PPIP5K2: variants seen among roughly 807,000 people sequenced by gnomAD.
PPIP5K2 encodes inositol hexakisphosphate and diphosphoinositol-pentakisphosphate kinase 2.
In PPIP5K2, 105 loss-of-function variants were observed where a neutral mutation model predicts 154.6. That is an observed-to-expected ratio of 0.68 (90% CI 0.58 to 0.80). The LOEUF (loss-of-function observed/expected upper bound fraction) is 0.80, where lower values mean the gene tolerates loss of function less well. Ranked by LOEUF, PPIP5K2 falls within the 30% of genes least tolerant of loss-of-function variation. PPIP5K2 has a pLI of 0.00. For missense variants in PPIP5K2, 992 were observed against 1,504.6 expected, an observed-to-expected ratio of 0.66 and a Z score of 5.64; for synonymous variants, 480 against 490.3, an observed-to-expected ratio of 0.98 and a Z score of 0.28.
chr5:103,152,962 A>T (rs1348242717), intron 10 of PPIP5K2, among the ~76,000 whole-genome samples: 1 of 151,886 alleles, frequency 6.6e-6, no homozygotes, highest in East Asian at 1.9e-4. Flanking sequence ...TAATTATAGA[A>T]TTGTTTAATC....
intron 1 of PPIP5K2, among the ~76,000 whole-genome samples, chr5:103,126,949 A>G (rs1438518357): frequency 3.9e-5 from 6 of 152,176 alleles, no homozygotes; most frequent in African/African-American, 7.2e-5. Flanking sequence ...AGTATTAACC[A>G]TCACAGAATA....
intron 3 of PPIP5K2, among the ~76,000 whole-genome samples, chr5:103,135,440 T>A (rs868948063): frequency 1.2e-4 from 19 of 152,310 alleles, no homozygotes; most frequent in Middle Eastern, 3.4e-3. Flanking sequence ...AATTTTTTTT[T>A]TCCCCCTGGA....
chr5:103,155,767 G>A, intron 13 of PPIP5K2, 142 bp from the exon 14 acceptor site: 2 of 673,936 alleles, frequency 3.0e-6, no homozygotes, highest in Non-Finnish European at 5.2e-6. Context: ...AATGTGGTTA[G>A]AATGATTATA....
In PPIP5K2 at chr5:103,175,327, C is replaced by A. The variant is rs139999663; in HGVS notation, c.2529+1355C>A. Among the ~76,000 whole-genome samples the A allele has an allele frequency of 3.2e-3, 481 of 151,978 alleles. 4 individuals carry two copies. Among genetic ancestry groups the A allele is most frequent in the African/African-American group, 0.011 (451 of 41,484 alleles). On this transcript the variant is annotated intron_variant, in intron 21 of 30. Transcript: ENST00000358359. The stretch of plus-strand genomic sequence containing the variant: ...TGTTCTTTCTTCTGGTTTTTTGTTT[C>A]TTCTTTGTCCCACTAAAGAATAGAA...
At chr5:103,122,509 G>A (rs1788942935) in intron 1 of PPIP5K2, among the ~76,000 whole-genome samples, 1 of 152,168 alleles carries the variant, frequency 6.6e-6, no homozygotes, top group Non-Finnish European at 1.5e-5. Context: ...CAACAAGAAG[G>A]TTGTGTGGAA....
intron 14 of PPIP5K2, 114 bp from the exon 15 acceptor site, chr5:103,158,074 C>A: frequency 6.3e-6 from 7 of 1,117,606 alleles, no homozygotes; most frequent in Admixed American, 2.6e-5. Flanking sequence ...AAGAAAATAT[C>A]TTACATATGG....
intron 30 of PPIP5K2, among the ~76,000 whole-genome samples, chr5:103,196,978 G>T (rs782732953): frequency 6.6e-6 from 1 of 152,076 alleles, no homozygotes; most frequent in African/African-American, 2.4e-5. Flanking sequence ...TAATATCTTG[G>T]AAGTCAGGGT....
At chr5:103,156,074 T>C (rs1795370286) in intron 14 of PPIP5K2, 80 bp downstream of exon 14, 1 of 962,604 alleles carries the variant, frequency 1.0e-6, no homozygotes, top group African/African-American at 1.6e-5. Flanking sequence ...TGGACCATCT[T>C]TTGCTTAGTA....
At chr5:103,138,522 G>T in intron 5 of PPIP5K2, 53 bp downstream of exon 5, 2 of 1,167,756 alleles carry the variant, frequency 1.7e-6, no homozygotes, top group South Asian at 1.3e-5. Flanking sequence ...CATACTTTTG[G>T]GCCACATTCT....
At chr5:103,166,812 C>G (rs1554218044) in intron 17 of PPIP5K2, among the ~76,000 whole-genome samples, 2 of 151,836 alleles carry the variant, frequency 1.3e-5, no homozygotes, top group African/African-American at 4.8e-5. Context: ...AATATATTTA[C>G]TATGCCTTAA....
intron 3 of PPIP5K2, among the ~76,000 whole-genome samples, chr5:103,134,313 C>T (rs573084099): frequency 6.6e-6 from 1 of 152,162 alleles, no homozygotes; most frequent in East Asian, 1.9e-4. Context: ...GCTGAGGGTA[C>T]ATCTGAAAAT....
intron 30 of PPIP5K2, among the ~76,000 whole-genome samples, chr5:103,197,422 A>G (rs1312877035): frequency 2.0e-5 from 3 of 151,674 alleles, no homozygotes; most frequent in Non-Finnish European, 4.4e-5. Context: ...ATGTGGTAAT[A>G]ACTTCTGTTA....
intron 8 of PPIP5K2, among the ~76,000 whole-genome samples, chr5:103,149,952 C>T (rs1794369942): frequency 6.6e-6 from 1 of 152,044 alleles, no homozygotes; most frequent in African/African-American, 2.4e-5. Context: ...ACCTCGGCTT[C>T]CCAAAGTGCT....
In PPIP5K2 at chr5:103,194,905, A is replaced by G; in HGVS notation, c.3499A>G (p.Thr1167Ala). ...VPRKTAEISSTALRSSPIMRK... is the reference protein window; with the variant it reads ...VPRKTAEISSAALRSSPIMRK... ...GTTTGTTTATTTTTTTTCAGCCTCT[A>G]CAGCTTTACGTTCCAGTCCAATAAT... The change falls in exon 30 of 31, where the codon ACA (threonine) becomes GCA (alanine). Residue 1167 changes from threonine (T) to alanine (A), a missense_variant. Thr to Ala is a moderately conservative substitution (Grantham distance 58, BLOSUM62 0). Around this residue, in one of 9 missense-constraint regions of PPIP5K2, gnomAD observed 131 missense variants for 117.8 expected, o/e 1.11. Coordinates refer to ENST00000358359, the MANE Select transcript of PPIP5K2 (RefSeq NM_001276277.3). The G allele has an allele frequency of 6.2e-7, 1 of 1,611,488 alleles. No individual in the cohort carries two copies. Among genetic ancestry groups the G allele is most frequent in the Non-Finnish European group, 8.5e-7 (1 of 1,178,846 alleles).
At position 103,167,041 on chromosome 5, in the gene PPIP5K2, G is replaced by T. The variant is rs554683552; in HGVS notation, c.1921-138G>T. 19 of 595,512 alleles carry T rather than the reference G, an allele frequency of 3.2e-5. No individual in the cohort carries two copies. In the East Asian group the frequency reaches 4.7e-4, roughly 15 times the overall value. 36.9% of individuals were successfully genotyped at this position (595,512 alleles called of 1,614,324 possible). A position where few individuals can be genotyped will look rare whatever the true frequency, so the allele number is the denominator to read the frequency against. On this transcript the variant is annotated intron_variant, in intron 17 of 30. Transcript: ENST00000358359. ...CAGTTCAAACCTGTGGTGTTCAAGG[G>T]TCAACTGTATTTTGTGGTCATTTTA...
chr5:103,176,863 A>G, intron 21 of PPIP5K2: 3 of 1,417,382 alleles, frequency 2.1e-6, no homozygotes, highest in Non-Finnish European at 2.9e-6. Flanking sequence ...TACATGTTTA[A>G]AGACCAATGA....
chr5:103,174,412 G>A (rs1201296195), intron 21 of PPIP5K2, among the ~76,000 whole-genome samples: 2 of 152,028 alleles, frequency 1.3e-5, no homozygotes, highest in African/African-American at 4.8e-5. Context: ...ATACAGTTTA[G>A]ATTGTTGACT....
rs1367250840 is a variant in PPIP5K2 at position 103,210,466 on chromosome 5, G to T, written c.*8832G>T. Reference sequence around the variant, plus strand: ...TCTTCAGAAAAGAGCAAAGTTGTCTGCTCTAATGGATAGAATAAGGAGCTG... The same window carrying T: ...TCTTCAGAAAAGAGCAAAGTTGTCTTCTCTAATGGATAGAATAAGGAGCTG... On this transcript the variant is annotated 3_prime_UTR_variant, in exon 31 of 31. Transcript: ENST00000358359. 3.3e-5 allele frequency: 5 copies of T among 151,990 alleles called. No homozygotes were observed. Among genetic ancestry groups the T allele is most frequent in the African/African-American group, 1.2e-4 (5 of 41,388 alleles). 9.4% of individuals were successfully genotyped at this position (151,990 alleles called of 1,614,324 possible).
chr5:103,201,581 AC>A lies in PPIP5K2; in HGVS notation c.3680del (p.Thr1227IlefsTer46). 6.8e-6 allele frequency: 11 copies of A among 1,611,678 alleles called. No individual in the cohort carries two copies. The highest frequency in any genetic ancestry group is 9.3e-6 in the Non-Finnish European group (11 of 1,179,050). ...TACCTCATCTCGGAAAAAGAATATA[AC>A]TAGCAAAACAGAAACGCATGAACAC... ...PNTSSRKKNI[T>X]SKTETHEHKK... On this transcript the variant is annotated frameshift_variant, in exon 31 of 31. Transcript: ENST00000358359. LOFTEE classifies it high-confidence loss of function.
Sources: gnomAD v4.1 joint callset for allele counts (sites outside exome capture counted in the v4.1 genomes callset) on GRCh38, gnomAD v4.1.1 for gene constraint, gnomAD v4.1.1 regional missense constraint, MANE v1.5 for transcripts, NCBI Gene and HGNC (gene_info 2026-07-23, HGNC 2026-07-21) for gene names.